Variants in FBXO28 observed in about 807,000 individuals in gnomAD.
FBXO28 encodes the protein F-box only protein 28.
Under a neutral mutation model 38.1 loss-of-function variants are expected in FBXO28, and 8 were observed. The observed-to-expected ratio is 0.21, with a 90% CI of 0.12 to 0.38. The LOEUF (loss-of-function observed/expected upper bound fraction) is 0.38, where lower values mean the gene tolerates loss of function less well. FBXO28 is among the 10% of genes least tolerant of loss of function. The pLI is 1.00. For missense variants in FBXO28, 345 were observed against 460.6 expected, an observed-to-expected ratio of 0.75 and a Z score of 2.30; for synonymous variants, 168 against 173.8, an observed-to-expected ratio of 0.97 and a Z score of 0.26.
chr1:224,115,126 C>T (rs1656616253), intron 1 of FBXO28, among the ~76,000 whole-genome samples: 1 of 152,034 alleles, frequency 6.6e-6, no homozygotes, highest in Non-Finnish European at 1.5e-5. Context: ...TTACGCCCAC[C>T]CACCTGCTTT....
At position 224,160,740 on chromosome 1, in the gene FBXO28, A is replaced by C. The variant is rs957245851; in HGVS notation, c.*2994A>C. The C allele has an allele frequency of 2.0e-5, 3 of 152,184 alleles. No homozygotes were observed. The highest frequency in any genetic ancestry group is 4.4e-5 in the Non-Finnish European group (3 of 68,034). The allele number at this position is 152,184 out of a possible 1,614,324, so 9.4% of individuals were successfully genotyped here. A position where few individuals can be genotyped will look rare whatever the true frequency, so the allele number is the denominator to read the frequency against. ...TTGGGAAGCAATTTTTTTGCAAAAC[A>C]CTTTTTTTGGAGTACTGAACTTTAC... On this transcript the variant is annotated 3_prime_UTR_variant, in exon 5 of 5. Coordinates refer to ENST00000366862, the MANE Select transcript of FBXO28 (RefSeq NM_015176.4).
In FBXO28 at chr1:224,158,378, C is replaced by T. The variant is rs139438895; in HGVS notation, c.*632C>T. 3.1e-4 allele frequency: 82 copies of T among 263,204 alleles called. No individual in the cohort carries two copies. Among genetic ancestry groups the T allele is most frequent in the African/African-American group, 1.8e-3 (80 of 43,508 alleles). The allele number at this position is 263,204 out of a possible 1,614,324, so 16.3% of individuals were successfully genotyped here. A position where few individuals can be genotyped will look rare whatever the true frequency, so the allele number is the denominator to read the frequency against. On this transcript the variant is annotated 3_prime_UTR_variant, in exon 5 of 5. Transcript: ENST00000366862. ...CCAGCTGTTATACATGTTTTCAGTTCTCTTTGGGGGCCATGTCCTACATTT... is the reference window on the plus strand; with the variant it reads ...CCAGCTGTTATACATGTTTTCAGTTTTCTTTGGGGGCCATGTCCTACATTT...
chr1:224,142,050 T>C (rs988881243), intron 3 of FBXO28, among the ~76,000 whole-genome samples: 18 of 151,306 alleles, frequency 1.2e-4, no homozygotes, highest in South Asian at 2.1e-4. Flanking sequence ...TTAAATTTTT[T>C]TTTTTTTTTT....
At chr1:224,141,337 G>A (rs908443573) in intron 3 of FBXO28, among the ~76,000 whole-genome samples, 2 of 151,952 alleles carry the variant, frequency 1.3e-5, no homozygotes, top group Non-Finnish European at 2.9e-5. Flanking sequence ...CAGGCATGGT[G>A]GCGGGTGCCT....
At chr1:224,139,046 G>A (rs1401867297) in intron 3 of FBXO28, among the ~76,000 whole-genome samples, 2 of 151,704 alleles carry the variant, frequency 1.3e-5, no homozygotes, top group African/African-American at 4.9e-5. Context: ...GCCTCCCAAA[G>A]TGCTGGGATT....
rs766446764 is a variant in FBXO28, at chr1:224,114,413, A to G, written c.267+17A>G. On this transcript the variant is annotated intron_variant, in intron 1 of 4. Transcript: ENST00000366862. ...CTCCGCCTGGTGAGGCCCCCGCAGA[A>G]CTCCTGCCTCCCTCTCCCCCCGGCC... 1 of 1,532,756 alleles carries G rather than the reference A, an allele frequency of 6.5e-7. No individual in the cohort carries two copies. Among genetic ancestry groups the G allele is most frequent in the South Asian group, 1.2e-5 (1 of 82,000 alleles). 94.9% of individuals were successfully genotyped at this position (1,532,756 alleles called of 1,614,324 possible). A position where few individuals can be genotyped will look rare whatever the true frequency, so the allele number is the denominator to read the frequency against.
chr1:224,121,583 G>A (rs570554212), intron 1 of FBXO28, among the ~76,000 whole-genome samples: 31 of 152,184 alleles, frequency 2.0e-4, no homozygotes, highest in African/African-American at 7.5e-4. Flanking sequence ...TCAAACTCTT[G>A]GCCTCAAGCA....
chr1:224,149,653 A>G (rs1350240604), intron 3 of FBXO28, among the ~76,000 whole-genome samples: 1 of 152,150 alleles, frequency 6.6e-6, no homozygotes, highest in Non-Finnish European at 1.5e-5. Flanking sequence ...TGGGGATCTG[A>G]CAGTGAAACA....
At chr1:224,118,823 G>C (rs999621274) in intron 1 of FBXO28, among the ~76,000 whole-genome samples, 9 of 152,092 alleles carry the variant, frequency 5.9e-5, no homozygotes, top group Non-Finnish European at 7.3e-5. Context: ...AGTTATTGAA[G>C]ACCCATAGAA....
intron 2 of FBXO28, among the ~76,000 whole-genome samples, chr1:224,133,144 A>G (rs1306687661): frequency 2.6e-5 from 4 of 152,350 alleles, no homozygotes; most frequent in East Asian, 1.9e-4. Flanking sequence ...GTATGATTCC[A>G]TTTATCTGGA....
At chr1:224,132,984 A>G (rs1280740722) in intron 2 of FBXO28, among the ~76,000 whole-genome samples, 1 of 152,214 alleles carries the variant, frequency 6.6e-6, no homozygotes, top group Non-Finnish European at 1.5e-5. Context: ...AAAAGTGGAG[A>G]CAATCCAAAT....
chr1:224,146,029 G>C (rs1013059383), intron 3 of FBXO28, among the ~76,000 whole-genome samples: 14 of 148,124 alleles, frequency 9.5e-5, no homozygotes, highest in African/African-American at 3.5e-4. Context: ...TTGTGGCATT[G>C]CCCTCCAGCC....
chr1:224,147,826 CA>C (rs3065995), intron 3 of FBXO28, among the ~76,000 whole-genome samples: 55,482 of 126,340 alleles, frequency 0.44, 10,388 homozygotes, highest in South Asian at 0.51. Context: ...ATGTAATTTG[CA>C]AAAAAAAAAA....
chr1:224,150,451 C>G (rs1047626635), intron 3 of FBXO28, among the ~76,000 whole-genome samples: 3 of 151,430 alleles, frequency 2.0e-5, no homozygotes, highest in Admixed American at 6.6e-5. Context: ...TATGAAGGAC[C>G]CTTTAAATAC....
chr1:224,139,544 C>A (rs1401653491), intron 3 of FBXO28, among the ~76,000 whole-genome samples: 1 of 151,920 alleles, frequency 6.6e-6, no homozygotes, highest in Non-Finnish European at 1.5e-5. Context: ...GAGATCGAGA[C>A]CAGCCTGGCC....
At chr1:224,136,693 A>C (rs1572015306) in intron 3 of FBXO28, among the ~76,000 whole-genome samples, 1 of 150,918 alleles carries the variant, frequency 6.6e-6, no homozygotes, top group Non-Finnish European at 1.5e-5. Flanking sequence ...GTGCCACTGC[A>C]CTCCAGCCTG....
chr1:224,121,345 A>T (rs1043562899), intron 1 of FBXO28, among the ~76,000 whole-genome samples: 4 of 152,254 alleles, frequency 2.6e-5, no homozygotes, highest in African/African-American at 9.6e-5. Flanking sequence ...AAATGAATTT[A>T]TATTTTCTTT....
chr1:224,146,179 A>T (rs1657498987), intron 3 of FBXO28, among the ~76,000 whole-genome samples: 1 of 151,968 alleles, frequency 6.6e-6, no homozygotes, highest in Non-Finnish European at 1.5e-5. Context: ...GGTTGCAGTG[A>T]GCCGGGATCA....
At chr1:224,144,604 C>G (rs1264197081) in intron 3 of FBXO28, among the ~76,000 whole-genome samples, 3 of 150,694 alleles carry the variant, frequency 2.0e-5, no homozygotes, top group African/African-American at 7.3e-5. Flanking sequence ...CTAAAAATAC[C>G]AAAATTAGCT....
Sources: gnomAD v4.1 joint callset for allele counts (sites outside exome capture counted in the v4.1 genomes callset) on GRCh38, gnomAD v4.1.1 for gene constraint, MANE v1.5 for transcripts, NCBI Gene and HGNC (gene_info 2026-07-23, HGNC 2026-07-21) for gene names.